Variants in TP63 observed in about 807,000 individuals in gnomAD.
TP63 encodes tumor protein 63.
TP63 carries 17 observed loss-of-function variants against 82.8 expected under a neutral mutation model. The ratio of observed to expected loss-of-function variants is 0.21; its 90% CI spans 0.14 to 0.31. The LOEUF is 0.31. Ranked by LOEUF, TP63 falls within the 10% of genes least tolerant of loss-of-function variation. TP63 has a pLI of 1.00. For synonymous variants in TP63, 330 were observed against 321.7 expected, an observed-to-expected ratio of 1.03 and a Z score of -0.28; for missense variants, 648 against 895.3, an observed-to-expected ratio of 0.72 and a Z score of 3.52.
intron 1 of TP63, among the ~76,000 whole-genome samples, chr3:189,662,474 T>G (rs2108655765): frequency 6.6e-6 from 1 of 152,150 alleles, no homozygotes; most frequent in East Asian, 1.9e-4. Flanking sequence ...TGAGACTTGC[T>G]ATATGGTTAA....
At chr3:189,687,102 C>T (rs1402640142) in intron 1 of TP63, among the ~76,000 whole-genome samples, 1 of 151,920 alleles carries the variant, frequency 6.6e-6, no homozygotes, top group Admixed American at 6.6e-5. Flanking sequence ...AAAATTAGCA[C>T]TCTAGATAAG....
At chr3:189,643,142 C>T (rs2108622059) in intron 1 of TP63, among the ~76,000 whole-genome samples, 1 of 152,252 alleles carries the variant, frequency 6.6e-6, no homozygotes, top group South Asian at 2.1e-4. Context: ...GCTGGGATTA[C>T]AGGCACATGC....
At position 189,723,630 on chromosome 3, in the gene TP63, G is replaced by A. The variant is rs561093812; in HGVS notation, c.63-14110G>A. Among the ~76,000 whole-genome samples the A allele has an allele frequency of 2.0e-5, 3 of 152,224 alleles. No homozygotes were observed. In the South Asian group the frequency reaches 6.2e-4, roughly 32 times the overall value. ...ACTAAAATTTGGTTTTTCTCTCCAT[G>A]AACCAACCAGTCAGGTAGGAACTGT... On this transcript the variant is annotated intron_variant, in intron 1 of 13. Coordinates refer to ENST00000264731, the MANE Select transcript of TP63 (RefSeq NM_003722.5).
chr3:189,730,798 C>T (rs1183541249), intron 1 of TP63, among the ~76,000 whole-genome samples: 1 of 152,128 alleles, frequency 6.6e-6, no homozygotes, highest in East Asian at 1.9e-4. Flanking sequence ...GTCAAGGAGG[C>T]CTTTGAGCCA....
chr3:189,682,536 GAAAAAAAAAA>G (rs375284237), intron 1 of TP63, among the ~76,000 whole-genome samples: 34 of 19,174 alleles, frequency 1.8e-3, no homozygotes, highest in South Asian at 6.4e-3. Flanking sequence ...GTCCTAAGGG[GAAAAAAAAAA>G]AAAAAAAATA....
At chr3:189,846,342 G>C (rs1031464462) in intron 4 of TP63, among the ~76,000 whole-genome samples, 6 of 152,104 alleles carry the variant, frequency 3.9e-5, no homozygotes, top group African/African-American at 1.4e-4. Context: ...AAAAGAAGGA[G>C]TTTAGTTCAT....
chr3:189,672,333 G>T (rs986141622), intron 1 of TP63, among the ~76,000 whole-genome samples: 2 of 152,110 alleles, frequency 1.3e-5, no homozygotes, highest in African/African-American at 4.8e-5. Context: ...GGGTGCAGTG[G>T]CTGCCACCTG....
intron 4 of TP63, among the ~76,000 whole-genome samples, chr3:189,814,392 G>A (rs1446668178): frequency 6.6e-6 from 1 of 152,178 alleles, no homozygotes; most frequent in Non-Finnish European, 1.5e-5. Flanking sequence ...TTACAATTCA[G>A]TGGCTGTTAG....
chr3:189,769,134 T>G (rs139525412), intron 3 of TP63, among the ~76,000 whole-genome samples: 102 of 152,334 alleles, frequency 6.7e-4, no homozygotes, highest in African/African-American at 2.3e-3. Flanking sequence ...CTCAGAATCA[T>G]GTCTTGCCTT....
At chr3:189,835,543 C>T (rs143672524) in intron 4 of TP63, among the ~76,000 whole-genome samples, 173 of 152,210 alleles carry the variant, frequency 1.1e-3, no homozygotes, top group Non-Finnish European at 1.9e-3. Flanking sequence ...ACATTCTTAC[C>T]GAAGGCTCAG....
In TP63 at chr3:189,889,320, T is replaced by G; in HGVS notation, c.1508-20T>G. On this transcript the variant is annotated intron_variant, in intron 11 of 13. Coordinates refer to ENST00000264731, the MANE Select transcript of TP63 (RefSeq NM_003722.5). ...ATGATGATGGCAGTAACCCTTTTTGTTCCTCCTGCTTCTGTTCAGTTCCCA... is the reference window on the plus strand; with the variant it reads ...ATGATGATGGCAGTAACCCTTTTTGGTCCTCCTGCTTCTGTTCAGTTCCCA... 1 of 1,614,148 alleles carries G rather than the reference T, an allele frequency of 6.2e-7. No homozygotes were observed. The highest frequency in any genetic ancestry group is 8.5e-7 in the Non-Finnish European group (1 of 1,180,000).
intron 1 of TP63, among the ~76,000 whole-genome samples, chr3:189,731,356 A>G (rs1328393030): frequency 6.6e-6 from 1 of 152,196 alleles, no homozygotes; most frequent in African/African-American, 2.4e-5. Flanking sequence ...AAAAAAAGAA[A>G]AAAAAAGAAC....
At chr3:189,837,746 G>T (rs928878824) in intron 4 of TP63, among the ~76,000 whole-genome samples, 2 of 152,016 alleles carry the variant, frequency 1.3e-5, no homozygotes, top group African/African-American at 4.8e-5. Flanking sequence ...TACCTCTCAG[G>T]CTCAATCAGT....
At chr3:189,654,503 G>T (rs80073230) in intron 1 of TP63, among the ~76,000 whole-genome samples, 3,753 of 152,134 alleles carry the variant, frequency 0.025, 71 homozygotes, top group Middle Eastern at 0.044. Flanking sequence ...ACACATTTTT[G>T]ATGTTATACT....
At chr3:189,634,941 G>C (rs1164031268) in intron 1 of TP63, among the ~76,000 whole-genome samples, 1 of 151,678 alleles carries the variant, frequency 6.6e-6, no homozygotes, top group Admixed American at 6.6e-5. Context: ...TTTCCATCTA[G>C]TTTGCAAAAT....
intron 1 of TP63, among the ~76,000 whole-genome samples, chr3:189,673,988 A>G (rs1228101630): frequency 3.3e-5 from 5 of 152,274 alleles, no homozygotes; most frequent in African/African-American, 1.2e-4. Flanking sequence ...CAATAAAGAA[A>G]CCATAGGCAA....
intron 4 of TP63, among the ~76,000 whole-genome samples, chr3:189,828,058 T>C (rs1002131748): frequency 2.0e-5 from 3 of 152,032 alleles, no homozygotes; most frequent in Non-Finnish European, 2.9e-5. Flanking sequence ...CTGGCTGATA[T>C]GATGAAACCC....
chr3:189,846,339 G>A (rs1714862183), intron 4 of TP63, among the ~76,000 whole-genome samples: 1 of 152,110 alleles, frequency 6.6e-6, no homozygotes, highest in African/African-American at 2.4e-5. Flanking sequence ...ATAAAAAGAA[G>A]GAGTTTAGTT....
At chr3:189,647,518 A>T (rs1920236) in intron 1 of TP63, among the ~76,000 whole-genome samples, 130,184 of 145,710 alleles carry the variant, frequency 0.89, 61,342 homozygotes, top group East Asian at 1. Context: ...AATGATCCAG[A>T]GGGTTGACAG....
Sources: gnomAD v4.1 joint callset for allele counts (sites outside exome capture counted in the v4.1 genomes callset) on GRCh38, gnomAD v4.1.1 for gene constraint, MANE v1.5 for transcripts, NCBI Gene and HGNC (gene_info 2026-07-23, HGNC 2026-07-21) for gene names.